The following POU2AF1 variants were observed in gnomAD, a reference collection of about 807,000 sequenced individuals.
POU2AF1 encodes POU domain class 2-associating factor 1.
A neutral mutation model predicts 26.3 loss-of-function variants in POU2AF1; 12 were observed. That is an observed-to-expected ratio of 0.46 (90% CI 0.29 to 0.74). The LOEUF (loss-of-function observed/expected upper bound fraction) is 0.74, where lower values mean the gene tolerates loss of function less well. POU2AF1 is among the 30% of genes least tolerant of loss of function. The pLI, the probability that POU2AF1 is intolerant of heterozygous loss-of-function variation, is 0.09. For synonymous variants in POU2AF1, 175 were observed against 148.0 expected (o/e 1.18, Z -1.32); for missense variants, 297 against 334.5 (o/e 0.89, Z 0.87).
At chr11:111,365,023 G>C (rs909745297) in intron 1 of POU2AF1, among the ~76,000 whole-genome samples, 1 of 152,188 alleles carries the variant, frequency 6.6e-6, no homozygotes, top group Non-Finnish European at 1.5e-5. Flanking sequence ...ACAGCCTTAT[G>C]AAAAACAGAA....
chr11:111,365,463 G>A (rs1354100828), intron 1 of POU2AF1, among the ~76,000 whole-genome samples: 1 of 152,082 alleles, frequency 6.6e-6, no homozygotes, highest in African/African-American at 2.4e-5. Flanking sequence ...CGTTAATAGT[G>A]ACACACTGTT....
intron 1 of POU2AF1, among the ~76,000 whole-genome samples, chr11:111,360,227 C>A (rs950033196): frequency 7.9e-5 from 12 of 152,152 alleles, no homozygotes; most frequent in Non-Finnish European, 4.4e-5. Context: ...AAACACTAGA[C>A]CTTAGGACTT....
chr11:111,358,998 C>T, intron 1 of POU2AF1, 80 bp from the exon 2 acceptor site: 6 of 1,531,262 alleles, frequency 3.9e-6, no homozygotes, highest in Non-Finnish European at 5.2e-6. Context: ...CCTCATGGAT[C>T]TGCCTGCTCC....
intron 1 of POU2AF1, among the ~76,000 whole-genome samples, chr11:111,375,987 T>G (rs1047477463): frequency 3.9e-5 from 6 of 152,150 alleles, no homozygotes; most frequent in African/African-American, 9.7e-5. Flanking sequence ...CTTGGAAAAT[T>G]TTGCAATATC....
chr11:111,357,469 A>T lies in POU2AF1; in HGVS notation c.432T>A (p.Ser144=). 6.2e-7 allele frequency: 1 copy of T among 1,614,128 alleles called. No homozygotes were observed. The highest frequency in any genetic ancestry group is 8.5e-7 in the Non-Finnish European group (1 of 1,180,006). The change falls in exon 4 of 5, where the codon TCT becomes TCA. Residue 144 remains serine (S), a synonymous_variant. Coordinates refer to ENST00000393067, the MANE Select transcript of POU2AF1 (RefSeq NM_006235.3). ...VGPSSVLTYA[S]PPLITNVTTR... ...CCGTGACATTGGTGATGAGTGGCGG[A>T]GAGGCATAGGTCAACACTGAGGAGG...
chr11:111,356,861 G>C (rs1860856246), intron 4 of POU2AF1, among the ~76,000 whole-genome samples: 1 of 152,154 alleles, frequency 6.6e-6, no homozygotes, highest in Admixed American at 6.5e-5. Context: ...GAGGCTCAGA[G>C]AGTTTTAAGT....
At chr11:111,361,449 A>G (rs895507484) in intron 1 of POU2AF1, among the ~76,000 whole-genome samples, 1 of 152,228 alleles carries the variant, frequency 6.6e-6, no homozygotes, top group African/African-American at 2.4e-5. Context: ...TCTGGGCTTC[A>G]ATTTCCTCAT....
chr11:111,358,344 TCTCACACTCA>T (rs1860900249), intron 2 of POU2AF1, among the ~76,000 whole-genome samples: 1 of 52,866 alleles, frequency 1.9e-5, no homozygotes, highest in African/African-American at 5.1e-5. Context: ...ACTCTCACAC[TCTCACACTCA>T]CACTCTCACA....
intron 1 of POU2AF1, among the ~76,000 whole-genome samples, chr11:111,360,806 T>G (rs942510085): frequency 6.6e-6 from 1 of 152,084 alleles, no homozygotes; most frequent in African/African-American, 2.4e-5. Flanking sequence ...TAGCCAGATG[T>G]GGTGGCAGGC....
chr11:111,363,099 C>T, intron 1 of POU2AF1: 1 of 999,794 alleles, frequency 1.0e-6, no homozygotes, highest in Non-Finnish European at 1.2e-6. Context: ...CCTCTAATGT[C>T]TGGACTTCCT....
rs760385032 is a variant in POU2AF1, at chr11:111,354,506, A to T, written c.526T>A (p.Tyr176Asn). 2 of 1,589,546 alleles carry T rather than the reference A, an allele frequency of 1.3e-6. No homozygotes were observed. Among genetic ancestry groups the T allele is most frequent in the Non-Finnish European group, 1.7e-6 (2 of 1,170,388 alleles). The part of the protein sequence containing the change: ...EGPEHQAPLT[Y>N]FPWPQPLSTL... ...GAAAGGGGCTGAGGCCACGGGAAAT[A>T]GGTGAGGGGTGCCTGGTGCTCTGGG... Residue 176 changes from tyrosine to asparagine, a missense_variant, in exon 5 of 5, where the codon TAT becomes AAT. Coordinates refer to ENST00000393067, the MANE Select transcript of POU2AF1 (RefSeq NM_006235.3).
At chr11:111,366,450 G>A (rs778387826) in intron 1 of POU2AF1, among the ~76,000 whole-genome samples, 12 of 152,352 alleles carry the variant, frequency 7.9e-5, no homozygotes, top group African/African-American at 2.4e-4. Context: ...GACAGCTGAA[G>A]AATAAGTTGT....
chr11:111,369,434 A>G (rs1861166928), intron 1 of POU2AF1, among the ~76,000 whole-genome samples: 1 of 152,188 alleles, frequency 6.6e-6, no homozygotes, highest in Non-Finnish European at 1.5e-5. Context: ...TAAGGAACCT[A>G]TATGTATCTC....
At chr11:111,371,854 A>G (rs1213848626) in intron 1 of POU2AF1, among the ~76,000 whole-genome samples, 1 of 152,168 alleles carries the variant, frequency 6.6e-6, no homozygotes, top group African/African-American at 2.4e-5. Context: ...AGGACTTACC[A>G]GTGTCACACA....
Position 111,353,940 on chromosome 11 carries a change from A to G in POU2AF1, c.*321T>C, listed in dbSNP as rs909124440. ...AGGAAAGGGAGAAGGGAAGGAGGGA[A>G]GGAAGGGAGGGAGGAAAAGGAAGGA... On this transcript the variant is annotated 3_prime_UTR_variant, in exon 5 of 5. Transcript: ENST00000393067. The G allele has an allele frequency of 1.1e-5, 3 of 269,730 alleles. No individual in the cohort carries two copies. Among genetic ancestry groups the G allele is most frequent in the South Asian group, 5.6e-5 (1 of 17,708 alleles). The allele number at this position is 269,730 out of a possible 1,614,324, so 16.7% of individuals were successfully genotyped here.
chr11:111,364,308 T>C (rs1002353350), intron 1 of POU2AF1: 2 of 152,256 alleles, frequency 1.3e-5, no homozygotes, highest in Non-Finnish European at 2.9e-5. Flanking sequence ...TAGGAACATA[T>C]GGAGTGTACT....
At chr11:111,358,342 A>T (rs988318579) in intron 2 of POU2AF1, among the ~76,000 whole-genome samples, 5 of 79,690 alleles carry the variant, frequency 6.3e-5, no homozygotes, top group African/African-American at 1.1e-4. Flanking sequence ...ACACTCTCAC[A>T]CTCTCACACT....
At chr11:111,370,795 T>G (rs1214308696) in intron 1 of POU2AF1, among the ~76,000 whole-genome samples, 1 of 152,228 alleles carries the variant, frequency 6.6e-6, no homozygotes, top group Non-Finnish European at 1.5e-5. Context: ...GAAGTCTGAT[T>G]ACCATCTATT....
intron 1 of POU2AF1, among the ~76,000 whole-genome samples, chr11:111,369,046 G>A (rs1861158625): frequency 6.6e-6 from 1 of 152,168 alleles, no homozygotes; most frequent in African/African-American, 2.4e-5. Flanking sequence ...TGCCTGCCAG[G>A]CCTGTCTCTA....
Sources: allele counts gnomAD v4.1 joint callset (sites outside exome capture counted in the v4.1 genomes callset), GRCh38; gene constraint gnomAD v4.1.1; transcripts MANE v1.5; gene names NCBI Gene and HGNC (gene_info 2026-07-23, HGNC 2026-07-21).